INSYN2B: variants seen among roughly 807,000 people sequenced by gnomAD.
INSYN2B encodes protein INSYN2B.
Under a neutral mutation model 41.2 loss-of-function variants are expected in INSYN2B, and 16 were observed. That is an observed-to-expected ratio of 0.39 (90% CI 0.26 to 0.59). The LOEUF (loss-of-function observed/expected upper bound fraction) is 0.59, where lower values mean the gene tolerates loss of function less well. Ranked by LOEUF, INSYN2B falls within the 20% of genes least tolerant of loss-of-function variation. INSYN2B has a pLI of 0.57. For synonymous variants in INSYN2B, 245 were observed against 244.4 expected (o/e 1.00, Z -0.02); for missense variants, 608 against 646.4 (o/e 0.94, Z 0.64).
At chr5:169,950,181 G>A (rs1461267358) in intron 1 of INSYN2B, among the ~76,000 whole-genome samples, 1 of 152,146 alleles carries the variant, frequency 6.6e-6, no homozygotes, top group Non-Finnish European at 1.5e-5. Context: ...AAGGTGGTTG[G>A]AAGCTTGGTC....
At chr5:169,894,937 G>A (rs1260262384) in intron 1 of INSYN2B, among the ~76,000 whole-genome samples, 3 of 152,198 alleles carry the variant, frequency 2.0e-5, no homozygotes, top group African/African-American at 7.2e-5. Context: ...TGGTTTTGGT[G>A]TTGTGGCCCC....
rs1050218603 is a variant in INSYN2B, at chr5:169,938,184, G to A, written c.-919+42093C>T. On this transcript the variant is annotated intron_variant, in intron 1 of 3. Coordinates refer to ENST00000377365, the MANE Select transcript of INSYN2B (RefSeq NM_001129891.3). ...TATTCAAGAAAAGTTTACAGCTACC[G>A]CACAGCTGCCACCTTAAAGAAATCT... Among the ~76,000 whole-genome samples the A allele has an allele frequency of 2.0e-5, 3 of 151,608 alleles. No homozygotes were observed. The South Asian group carries it at 6.3e-4, about 32-fold the overall frequency.
In INSYN2B at chr5:169,864,256, G is replaced by A; in HGVS notation, c.*17C>T. On this transcript the variant is annotated 3_prime_UTR_variant, in exon 4 of 4. Transcript: ENST00000377365. ...AAGTGCGTGGAGTTGGGGGGCTGGG[G>A]GATGGTCCCAACCAGCTCAGATCCA... 2 of 1,549,060 alleles carry A rather than the reference G, an allele frequency of 1.3e-6. No individual in the cohort carries two copies. Among genetic ancestry groups the A allele is most frequent in the Non-Finnish European group, 1.7e-6 (2 of 1,144,758 alleles).
chr5:169,960,662 A>G (rs1476896097), intron 1 of INSYN2B, among the ~76,000 whole-genome samples: 2 of 152,230 alleles, frequency 1.3e-5, no homozygotes, highest in Non-Finnish European at 2.9e-5. Flanking sequence ...GTGTGGTAAT[A>G]TTCGGGTCTC....
intron 1 of INSYN2B, among the ~76,000 whole-genome samples, chr5:169,976,953 A>G (rs1777738215): frequency 6.6e-6 from 1 of 152,242 alleles, no homozygotes; most frequent in Non-Finnish European, 1.5e-5. Context: ...CGGATCAAAA[A>G]GCTTCTTAGG....
chr5:169,874,410 CAAAAAAAAAAA>C (rs34525811), intron 3 of INSYN2B, among the ~76,000 whole-genome samples: 1 of 72,032 alleles, frequency 1.4e-5, no homozygotes, highest in Non-Finnish European at 2.5e-5. Context: ...GACTCTGTCT[CAAAAAAAAAAA>C]AAAAAAAAAA....
At chr5:169,948,984 C>A (rs915091945) in intron 1 of INSYN2B, among the ~76,000 whole-genome samples, 1 of 152,074 alleles carries the variant, frequency 6.6e-6, no homozygotes, top group Non-Finnish European at 1.5e-5. Context: ...TTATATGCAT[C>A]CAGTTACAAA....
rs747302733 is a variant in INSYN2B at position 169,888,238 on chromosome 5, C to T, written c.-918-3422G>A. Among the ~76,000 whole-genome samples the T allele has an allele frequency of 2.6e-5, 4 of 152,122 alleles. No homozygotes were observed. The East Asian group carries it at 7.7e-4, about 29-fold the overall frequency. ...GGGGAATACACCTGGCTAAAAGCAC[C>T]CTCTGGAGGCCCTTAAGTCTTATGG... is the stretch of plus-strand genomic sequence containing the variant. On this transcript the variant is annotated intron_variant, in intron 1 of 3. Transcript: ENST00000377365.
At chr5:169,960,033 G>A (rs1416252772) in intron 1 of INSYN2B, among the ~76,000 whole-genome samples, 10 of 152,180 alleles carry the variant, frequency 6.6e-5, no homozygotes, top group Non-Finnish European at 1.5e-4. Context: ...TCGGATCTCA[G>A]GCTATCAGTC....
At chr5:169,921,669 A>C (rs1775179638) in intron 1 of INSYN2B, among the ~76,000 whole-genome samples, 2 of 152,314 alleles carry the variant, frequency 1.3e-5, no homozygotes, top group Middle Eastern at 6.8e-3. Flanking sequence ...AGAGCTGTGG[A>C]GAGGAGCACT....
At chr5:169,977,021 A>G (rs1433327103) in intron 1 of INSYN2B, among the ~76,000 whole-genome samples, 1 of 152,248 alleles carries the variant, frequency 6.6e-6, no homozygotes, top group African/African-American at 2.4e-5. Flanking sequence ...TAACCAAAGA[A>G]TGTCACTGCA....
At chr5:169,949,824 T>C (rs150185815) in intron 1 of INSYN2B, among the ~76,000 whole-genome samples, 54 of 151,844 alleles carry the variant, frequency 3.6e-4, no homozygotes, top group African/African-American at 1.3e-3. Flanking sequence ...GAATTTTTGA[T>C]AGAAGAGCCA....
chr5:169,912,616 A>T (rs1418587082), intron 1 of INSYN2B, among the ~76,000 whole-genome samples: 1 of 122,682 alleles, frequency 8.2e-6, no homozygotes, highest in Non-Finnish European at 1.7e-5. Flanking sequence ...TGTGTGGTGG[A>T]GTGTATGTGT....
chr5:169,927,151 G>C (rs1039931948), intron 1 of INSYN2B, among the ~76,000 whole-genome samples: 1 of 152,230 alleles, frequency 6.6e-6, no homozygotes, highest in African/African-American at 2.4e-5. Context: ...ATTTGCAAAA[G>C]TTCAAGATGG....
chr5:169,918,819 A>G (rs907554918), intron 1 of INSYN2B, among the ~76,000 whole-genome samples: 3 of 152,298 alleles, frequency 2.0e-5, no homozygotes, highest in African/African-American at 4.8e-5. Flanking sequence ...AGGCTGAGGC[A>G]GGAGGATTGC....
chr5:169,915,027 G>A (rs1433707985), intron 1 of INSYN2B, among the ~76,000 whole-genome samples: 1 of 152,226 alleles, frequency 6.6e-6, no homozygotes, highest in Non-Finnish European at 1.5e-5. Flanking sequence ...TCACAGCACA[G>A]TCAGTCCCTG....
At chr5:169,905,928 G>C (rs1042133416) in intron 1 of INSYN2B, among the ~76,000 whole-genome samples, 2 of 152,328 alleles carry the variant, frequency 1.3e-5, no homozygotes, top group Admixed American at 6.5e-5. Context: ...TCTTGAACCT[G>C]ACTGTATCTA....
intron 1 of INSYN2B, among the ~76,000 whole-genome samples, chr5:169,920,893 G>T (rs1775137527): frequency 6.6e-6 from 1 of 152,090 alleles, no homozygotes; most frequent in African/African-American, 2.4e-5. Flanking sequence ...GTGGGCAGTT[G>T]TTTTCCTAGA....
At chr5:169,914,976 C>T (rs559704398) in intron 1 of INSYN2B, among the ~76,000 whole-genome samples, 2 of 152,262 alleles carry the variant, frequency 1.3e-5, no homozygotes, top group Non-Finnish European at 2.9e-5. Context: ...CAAAGAGAAT[C>T]TGCCTGACCC....
Sources: allele counts gnomAD v4.1 joint callset (sites outside exome capture counted in the v4.1 genomes callset), GRCh38; gene constraint gnomAD v4.1.1; transcripts MANE v1.5; gene names NCBI Gene and HGNC (gene_info 2026-07-23, HGNC 2026-07-21).